Variants in LRRC37A3 observed in about 807,000 individuals in gnomAD.
LRRC37A3 encodes the protein leucine-rich repeat-containing protein 37A3.
Under a neutral mutation model 106.2 loss-of-function variants are expected in LRRC37A3, and 25 were observed. That is an observed-to-expected ratio of 0.24 (90% confidence interval 0.17 to 0.33). The LOEUF (loss-of-function observed/expected upper bound fraction) is 0.33. Ranked by LOEUF, LRRC37A3 falls within the 10% of genes least tolerant of loss-of-function variation. LRRC37A3 has a pLI of 1.00. For synonymous variants in LRRC37A3, 305 were observed against 635.8 expected, an observed-to-expected ratio of 0.48 and a Z score of 7.83; for missense variants, 712 against 1,644.9, an observed-to-expected ratio of 0.43 and a Z score of 9.81.
intron 11 of LRRC37A3, among the ~76,000 whole-genome samples, chr17:64,862,559 T>C (rs1417313138): frequency 6.6e-6 from 1 of 151,872 alleles, no homozygotes; most frequent in Non-Finnish European, 1.5e-5. Flanking sequence ...GCTTACAAAC[T>C]ACATTGCACT....
intron 14 of LRRC37A3, 119 bp downstream of exon 14, chr17:64,855,721 G>C (rs1410590412): frequency 3.3e-6 from 5 of 1,526,562 alleles, no homozygotes; most frequent in Non-Finnish European, 4.5e-6. Context: ...AGAATCGCTT[G>C]AACCTGGGAA....
Position 64,857,863 on chromosome 17 carries a change from G to A in LRRC37A3, c.4809+916C>T, listed in dbSNP as rs370620893. The stretch of plus-strand genomic sequence containing the variant: ...AGGGGCTGCTGTGGCTGGAATGGAG[G>A]GCTGGCTGCCACAATCATGGAAATG... On this transcript the variant is annotated intron_variant, in intron 13 of 14. Transcript: ENST00000584306. Among the ~76,000 whole-genome samples, 29 of 152,322 alleles carry A rather than the reference G, an allele frequency of 1.9e-4. No homozygotes were observed. In the East Asian group the frequency reaches 5.2e-3, roughly 27 times the overall value.
chr17:64,869,591 A>G (rs1315278252), intron 8 of LRRC37A3, among the ~76,000 whole-genome samples: 1 of 142,424 alleles, frequency 7.0e-6, no homozygotes, highest in East Asian at 2.0e-4. Context: ...GCTGGAGTGC[A>G]ATGGCTCGAT....
intron 8 of LRRC37A3, chr17:64,881,135 C>T: frequency 1.4e-6 from 1 of 700,930 alleles, no homozygotes; most frequent in Non-Finnish European, 2.6e-6. Context: ...CCACACATCT[C>T]CCCACACCAA....
At chr17:64,877,078 T>A (rs1973537840) in intron 8 of LRRC37A3, 1 of 152,204 alleles carries the variant, frequency 6.6e-6, no homozygotes, top group Admixed American at 6.5e-5. Context: ...ATTGTTGTTT[T>A]TTTGAGTGAA....
intron 12 of LRRC37A3, 58 bp from the exon 13 acceptor site, chr17:64,858,941 G>A: frequency 8.4e-7 from 1 of 1,184,286 alleles, no homozygotes; most frequent in Non-Finnish European, 1.2e-6. Flanking sequence ...TATTCCAGGT[G>A]AGTAGCTTAC....
At chr17:64,916,108 C>G (rs1974695225) in intron 2 of LRRC37A3, among the ~76,000 whole-genome samples, 1 of 151,344 alleles carries the variant, frequency 6.6e-6, no homozygotes, top group Non-Finnish European at 1.5e-5. Flanking sequence ...GAGACTCTGT[C>G]TAAAAAAATA....
chr17:64,855,728 G>C, intron 14 of LRRC37A3, 112 bp downstream of exon 14: 1 of 1,548,852 alleles, frequency 6.5e-7, no homozygotes, highest in Admixed American at 1.8e-5. Context: ...CTTGAACCTG[G>C]GAAGTGGAGG....
At chr17:64,863,945 T>C (rs1226706153) in intron 10 of LRRC37A3, among the ~76,000 whole-genome samples, 1 of 151,636 alleles carries the variant, frequency 6.6e-6, no homozygotes, top group Non-Finnish European at 1.5e-5. Flanking sequence ...GCTGGGAGTA[T>C]AGGCTTGCAC....
intron 2 of LRRC37A3, among the ~76,000 whole-genome samples, chr17:64,913,537 G>A (rs1974637374): frequency 6.7e-6 from 1 of 148,318 alleles, no homozygotes; most frequent in Non-Finnish European, 1.5e-5. Flanking sequence ...ATGGGGTTTC[G>A]CCATGTTGTC....
At chr17:64,916,330 G>A (rs1371409323) in intron 2 of LRRC37A3, among the ~76,000 whole-genome samples, 137 of 152,228 alleles carry the variant, frequency 9.0e-4, no homozygotes, top group Admixed American at 3.7e-3. Context: ...GTGTGAACCC[G>A]GGAGGGGGAG....
intron 14 of LRRC37A3, among the ~76,000 whole-genome samples, chr17:64,854,944 T>C (rs1335601319): frequency 6.6e-6 from 1 of 152,166 alleles, no homozygotes; most frequent in Admixed American, 6.5e-5. Context: ...TTCAAGCAGT[T>C]CTCCTGCCTC....
At chr17:64,867,967 G>A (rs1333370835) in intron 10 of LRRC37A3, among the ~76,000 whole-genome samples, 14 of 152,210 alleles carry the variant, frequency 9.2e-5, no homozygotes, top group Admixed American at 1.3e-4. Context: ...CCAGCTACTC[G>A]GAAGGCTGAG....
rs1384658282 is a variant in LRRC37A3, at chr17:64,918,808, G to C, written c.-554C>G. 2.1e-6 allele frequency: 1 copy of C among 466,428 alleles called. No individual in the cohort carries two copies. The highest frequency in any genetic ancestry group is 2.6e-5 in the South Asian group (1 of 38,430). The allele number at this position is 466,428 out of a possible 1,614,324, so 28.9% of individuals were successfully genotyped here. On this transcript the variant is annotated 5_prime_UTR_variant, in exon 2 of 15. Transcript: ENST00000584306. Reference sequence around the variant, plus strand: ...CCAACACTTTGGGAAGCTGAGGCGGGCGGATCGCCTGAGCTCAGGAGTTCG... The same window carrying C: ...CCAACACTTTGGGAAGCTGAGGCGGCCGGATCGCCTGAGCTCAGGAGTTCG...
In LRRC37A3 at chr17:64,854,480, T is replaced by G; in HGVS notation, c.*119A>C. The G allele has an allele frequency of 6.2e-6, 9 of 1,459,276 alleles. No homozygotes were observed. The South Asian group carries it at 9.2e-5, about 15-fold the overall frequency. 90.4% of individuals were successfully genotyped at this position (1,459,276 alleles called of 1,614,324 possible). On this transcript the variant is annotated 3_prime_UTR_variant, in exon 15 of 15. Transcript: ENST00000584306. ...AAGGGCAGGAACGATGGCCCTGTGC[T>G]TGCTCTGCCCGCTGCCTCTGTGGAT...
At chr17:64,870,676 G>A (rs1973281544) in intron 8 of LRRC37A3, among the ~76,000 whole-genome samples, 2 of 152,290 alleles carry the variant, frequency 1.3e-5, no homozygotes, top group South Asian at 4.1e-4. Context: ...CTATTAAGCA[G>A]CAAAGCTGTA....
intron 8 of LRRC37A3, among the ~76,000 whole-genome samples, chr17:64,878,712 C>G (rs1973593300): frequency 6.6e-6 from 1 of 152,138 alleles, no homozygotes; most frequent in South Asian, 2.1e-4. Context: ...AAATTGAAAC[C>G]CTCAAACATT....
At chr17:64,854,736 G>A in intron 14 of LRRC37A3, 92 bp from the exon 15 acceptor site, 1 of 1,611,970 alleles carries the variant, frequency 6.2e-7, no homozygotes, top group Non-Finnish European at 8.5e-7. Flanking sequence ...GAACTGTGAG[G>A]GCCCCGTCAT....
At chr17:64,904,099 ACTGCACTCCAGC>A (rs1407172667) in intron 2 of LRRC37A3, among the ~76,000 whole-genome samples, 7 of 150,412 alleles carry the variant, frequency 4.7e-5, no homozygotes, top group African/African-American at 1.7e-4. Context: ...AGATCACACC[ACTGCACTCCAGC>A]CTGCGCGACA....
Sources: gnomAD v4.1 joint callset for allele counts (sites outside exome capture counted in the v4.1 genomes callset) on GRCh38, gnomAD v4.1.1 for gene constraint, MANE v1.5 for transcripts, NCBI Gene and HGNC (gene_info 2026-07-23, HGNC 2026-07-21) for gene names.